Variants in PTK2B observed in about 807,000 individuals in gnomAD.
PTK2B encodes protein tyrosine kinase 2 beta.
PTK2B carries 71 observed loss-of-function variants against 142.9 expected under a neutral mutation model. The ratio of observed to expected loss-of-function variants is 0.50; its 90% confidence interval spans 0.41 to 0.61. PTK2B has a LOEUF of 0.61. PTK2B is among the 20% of genes least tolerant of loss of function. The probability of loss-of-function intolerance (pLI) is 0.00; values close to 1 mark genes in which losing one functional copy is unlikely to be tolerated. For missense variants in PTK2B, 1,105 were observed against 1,320.4 expected (o/e 0.84, Z 2.53); for synonymous variants, 519 against 503.4 (o/e 1.03, Z -0.42).
At chr8:27,390,511 T>G (rs1429899738) in intron 1 of PTK2B, among the ~76,000 whole-genome samples, 2 of 152,010 alleles carry the variant, frequency 1.3e-5, no homozygotes, top group African/African-American at 4.8e-5. Context: ...CATGGTGGCA[T>G]GTACCTGTAG....
intron 2 of PTK2B, among the ~76,000 whole-genome samples, chr8:27,413,408 C>A (rs1809190079): frequency 6.6e-6 from 1 of 152,346 alleles, no homozygotes; most frequent in South Asian, 2.1e-4. Context: ...CCTGTCTGAT[C>A]CAGGAGCACA....
chr8:27,328,920 G>A (rs1803571100), intron 1 of PTK2B, among the ~76,000 whole-genome samples: 1 of 151,472 alleles, frequency 6.6e-6, no homozygotes, highest in Non-Finnish European at 1.5e-5. Context: ...AGATCTTCAA[G>A]GAAGGAGCCC....
intron 1 of PTK2B, among the ~76,000 whole-genome samples, chr8:27,370,914 AT>A (rs989648527): frequency 2.0e-5 from 3 of 150,788 alleles, no homozygotes; most frequent in Non-Finnish European, 4.4e-5. Flanking sequence ...GTTTATTTTT[AT>A]TTTTTTTTGA....
At chr8:27,335,141 TG>T (rs1296636873) in intron 1 of PTK2B, among the ~76,000 whole-genome samples, 3 of 152,194 alleles carry the variant, frequency 2.0e-5, no homozygotes, top group Admixed American at 1.3e-4. Flanking sequence ...TGACCTCCAG[TG>T]TACACAGACA....
chr8:27,433,539 C>G lies in PTK2B; in HGVS notation c.1092C>G (p.Ile364Met). Reference protein sequence around the residue: ...LQGEHQGSLIIHPRKDGEKRN... With the variant: ...LQGEHQGSLIMHPRKDGEKRN... ...GTGAGCACCAAGGCTCTCTCATCAT[C>G]CATCCTAGGAAAGGTGGGTTCCATT... is the stretch of plus-strand genomic sequence containing the variant. The change falls in exon 11 of 31, where the codon ATC becomes ATG. Residue 364 changes from isoleucine (I) to methionine (M), a missense_variant. Physicochemically the swap from Ile to Met is conservative, Grantham distance 10 (BLOSUM62 1). Coordinates refer to ENST00000346049, the MANE Select transcript of PTK2B (RefSeq NM_173176.3). 1 of 1,613,620 alleles carries G rather than the reference C, an allele frequency of 6.2e-7. No individual in the cohort carries two copies. The highest frequency in any genetic ancestry group is 8.5e-7 in the Non-Finnish European group (1 of 1,179,542).
At chr8:27,396,060 T>C (rs956152) in intron 1 of PTK2B, 129,370 of 152,180 alleles carry the variant, frequency 0.85, 55,581 homozygotes, top group Middle Eastern at 0.96. Flanking sequence ...CCATAGGTCT[T>C]ATGCCACATT....
chr8:27,357,148 ATAT>A (rs375609533), intron 1 of PTK2B, among the ~76,000 whole-genome samples: 18 of 152,330 alleles, frequency 1.2e-4, no homozygotes, highest in African/African-American at 4.1e-4. Context: ...CCTGGTTTTG[ATAT>A]TATTATTCTA....
At chr8:27,340,910 A>AG (rs775500528) in intron 1 of PTK2B, among the ~76,000 whole-genome samples, 1 of 152,124 alleles carries the variant, frequency 6.6e-6, no homozygotes, top group Non-Finnish European at 1.5e-5. Context: ...TGCAGTGGGG[A>AG]GGGGGGCAGA....
chr8:27,396,109 T>G (rs956806942), intron 1 of PTK2B: 1 of 152,306 alleles, frequency 6.6e-6, no homozygotes, highest in Non-Finnish European at 1.5e-5. Context: ...TGCTGCCTGT[T>G]GTCTGCCTGC....
chr8:27,397,121 C>T lies in PTK2B; in HGVS notation c.-37-427C>T, dbSNP rs143091178. Among the ~76,000 whole-genome samples, 823 of 152,316 alleles carry T rather than the reference C, an allele frequency of 5.4e-3. 5 individuals carry two copies. The highest frequency in any genetic ancestry group is 0.019 in the African/African-American group (772 of 41,566). On this transcript the variant is annotated intron_variant, in intron 1 of 30. Transcript: ENST00000346049. ...AATCTGTTTCTTCTCAGATTTTCCG[C>T]CTTGTCCCTGTTCCTCTCCTGCTAT...
At position 27,445,839 on chromosome 8, in the gene PTK2B, A is replaced by G. The variant is rs146171096; in HGVS notation, c.2260A>G (p.Met754Val). ...CAGCTCTCCTACGCTCACCAGCCCT[A>G]TGGAGTATCCATCTCCCGTTAACTC... The part of the protein sequence containing the change: ...CASSPTLTSP[M>V]EYPSPVNSLH... Residue 754 changes from methionine to valine, a missense_variant, in exon 24 of 31, where the codon ATG becomes GTG. Physicochemically the swap from Met to Val is conservative, Grantham distance 21. Transcript: ENST00000346049. The G allele has an allele frequency of 2.0e-5, 32 of 1,613,974 alleles. No homozygotes were observed. The Admixed American group carries it at 2.5e-4, about 13-fold the overall frequency.
intron 2 of PTK2B, among the ~76,000 whole-genome samples, chr8:27,406,885 A>G (rs1011771121): frequency 2.0e-5 from 3 of 152,184 alleles, no homozygotes; most frequent in Admixed American, 6.5e-5. Flanking sequence ...TGAGGCAGGC[A>G]CTGCATGTCA....
intron 1 of PTK2B, among the ~76,000 whole-genome samples, chr8:27,326,545 G>C (rs952324110): frequency 6.6e-6 from 1 of 152,228 alleles, no homozygotes. Context: ...TGTGCCTAGA[G>C]GTGGCTTTAG....
Position 27,450,834 on chromosome 8 carries a change from A to C in PTK2B, c.2426A>C (p.Asp809Ala). The C allele has an allele frequency of 2.5e-6, 4 of 1,614,202 alleles. No individual in the cohort carries two copies. The highest frequency in any genetic ancestry group is 3.4e-6 in the Non-Finnish European group (4 of 1,180,032). Residue 809 changes from aspartate (D) to alanine (A), a missense_variant, in exon 25 of 31, where the codon GAC becomes GCC. Asp to Ala is a moderately radical substitution (Grantham distance 126). Coordinates refer to ENST00000346049, the MANE Select transcript of PTK2B (RefSeq NM_173176.3). ...AEKVKMRQIL[D>A]KQQKQMVEDY... ...AAGGTCAAAATGCGGCAAATCCTGG[A>C]CAAACAGCAGAAGCAGATGGTGGAG...
chr8:27,405,521 G>A (rs375756864), intron 2 of PTK2B, among the ~76,000 whole-genome samples: 72 of 152,270 alleles, frequency 4.7e-4, no homozygotes, highest in African/African-American at 1.6e-3. Flanking sequence ...AAGAGGAAAG[G>A]GTTCATCCAG....
chr8:27,326,852 A>C (rs1381809170), intron 1 of PTK2B: 1 of 152,384 alleles, frequency 6.6e-6, no homozygotes, highest in Non-Finnish European at 1.5e-5. Context: ...CTGGCTTCCC[A>C]CCTGCGGCCA....
chr8:27,389,146 T>C (rs1322656377), intron 1 of PTK2B, among the ~76,000 whole-genome samples: 3 of 152,178 alleles, frequency 2.0e-5, no homozygotes, highest in Non-Finnish European at 4.4e-5. Context: ...TTTTATCTTT[T>C]TTCTTTTTAC....
intron 1 of PTK2B, among the ~76,000 whole-genome samples, chr8:27,344,025 T>A (rs1804570436): frequency 6.6e-6 from 1 of 151,922 alleles, no homozygotes; most frequent in South Asian, 2.1e-4. Flanking sequence ...AAATAAAAAA[T>A]AAAAAAATAA....
upstream of PTK2B, among the ~76,000 whole-genome samples, chr8:27,310,603 C>T (rs1430399088): frequency 6.6e-6 from 1 of 152,276 alleles, no homozygotes; most frequent in African/African-American, 2.4e-5. Flanking sequence ...ATTCTCTTCT[C>T]CCAGCACGGG....
Sources: gnomAD v4.1 joint callset for allele counts (sites outside exome capture counted in the v4.1 genomes callset) on GRCh38, gnomAD v4.1.1 for gene constraint, MANE v1.5 for transcripts, NCBI Gene and HGNC (gene_info 2026-07-23, HGNC 2026-07-21) for gene names.